The following ZNF675 variants were observed in gnomAD, a reference collection of about 807,000 sequenced individuals.
ZNF675 encodes TRAF6 inhibitory zinc finger.
A neutral mutation model predicts 56.1 loss-of-function variants in ZNF675; 36 were observed. The observed-to-expected ratio is 0.64, with a 90% CI of 0.49 to 0.85. The LOEUF is 0.85. Among genes scored for constraint, ZNF675 ranks in the 40% least tolerant of loss-of-function variants. ZNF675 has a pLI of 0.00. For missense variants in ZNF675, 663 were observed against 654.2 expected, an observed-to-expected ratio of 1.01 and a Z score of -0.15; for synonymous variants, 200 against 218.9, an observed-to-expected ratio of 0.91 and a Z score of 0.76.
intron 3 of ZNF675, among the ~76,000 whole-genome samples, chr19:23,658,992 G>GATAT (rs1968040879): frequency 7.8e-6 from 1 of 128,030 alleles, no homozygotes; most frequent in African/African-American, 3.0e-5. Context: ...GATAGAGATC[G>GATAT]AGATCTATAT....
intron 1 of ZNF675, among the ~76,000 whole-genome samples, chr19:23,680,435 A>C (rs1453296629): frequency 6.6e-6 from 1 of 151,692 alleles, no homozygotes; most frequent in East Asian, 1.9e-4. Flanking sequence ...CTAATGCAGA[A>C]ACAGAAAATC....
intron 2 of ZNF675, among the ~76,000 whole-genome samples, chr19:23,662,693 T>C (rs961348122): frequency 1.3e-5 from 2 of 152,176 alleles, no homozygotes; most frequent in Non-Finnish European, 2.9e-5. Context: ...AGAAACTGTC[T>C]GTTGGGACAG....
chr19:23,674,982 A>T (rs1053800027), intron 1 of ZNF675, among the ~76,000 whole-genome samples: 1 of 61,316 alleles, frequency 1.6e-5, no homozygotes, highest in Admixed American at 2.3e-4. Context: ...AAAAAAAAAA[A>T]AAAGAGAGAG....
intron 1 of ZNF675, among the ~76,000 whole-genome samples, chr19:23,664,554 C>G (rs1289004336): frequency 6.6e-6 from 1 of 152,202 alleles, no homozygotes; most frequent in Admixed American, 6.5e-5. Flanking sequence ...ACAGAACCAG[C>G]CCTTTGACCA....
intron 3 of ZNF675, 130 bp from the exon 4 acceptor site, chr19:23,654,836 C>A: frequency 1.7e-6 from 1 of 601,888 alleles, no homozygotes; most frequent in Non-Finnish European, 2.7e-6. Flanking sequence ...GTATGTGTTG[C>A]CCCAGGTGAG....
intron 1 of ZNF675, among the ~76,000 whole-genome samples, chr19:23,681,097 GATTT>G (rs1403075616): frequency 1.3e-5 from 2 of 151,816 alleles, no homozygotes; most frequent in African/African-American, 4.9e-5. Context: ...AGGCTACACT[GATTT>G]ATTTTTGTGC....
intron 1 of ZNF675, among the ~76,000 whole-genome samples, chr19:23,680,348 T>C (rs1968361133): frequency 6.6e-6 from 1 of 151,720 alleles, no homozygotes; most frequent in Non-Finnish European, 1.5e-5. Context: ...TGGAACACTG[T>C]GTGGCCATAA....
Position 23,653,799 on chromosome 19 carries a change from G to A in ZNF675, c.1134C>T (p.Asn378=), listed in dbSNP as rs1276760719. ...YKCEECGKAF[N]RSSNLTEHRK... ...TATGTTCCGTAAGATTTGAGGATCG[G>A]TTAAAAGCTTTGCCGCATTCCTCAC... Residue 378 remains asparagine (N), a synonymous_variant, in exon 4 of 4, where the codon AAC becomes AAT. Transcript: ENST00000359788. 1 of 1,613,704 alleles carries A rather than the reference G, an allele frequency of 6.2e-7. No individual in the cohort carries two copies. Among genetic ancestry groups the A allele is most frequent in the Admixed American group, 1.7e-5 (1 of 59,990 alleles).
At chr19:23,655,392 C>T (rs993479396) in intron 3 of ZNF675, 2 of 152,966 alleles carry the variant, frequency 1.3e-5, no homozygotes, top group Non-Finnish European at 2.9e-5. Context: ...GTGAGGGTCT[C>T]AGGAAGCTTA....
At chr19:23,683,761 G>A (rs2144801522) in intron 1 of ZNF675, among the ~76,000 whole-genome samples, 1 of 151,994 alleles carries the variant, frequency 6.6e-6, no homozygotes, top group African/African-American at 2.4e-5. Context: ...CTAAACCTTG[G>A]AATTCTGTTT....
chr19:23,674,009 C>G (rs1248523228), intron 1 of ZNF675, among the ~76,000 whole-genome samples: 1 of 151,276 alleles, frequency 6.6e-6, no homozygotes, highest in Non-Finnish European at 1.5e-5. Context: ...TCGAAACCAG[C>G]CTGACCAACA....
At chr19:23,684,600 C>T (rs1205936792) in intron 1 of ZNF675, among the ~76,000 whole-genome samples, 1 of 151,430 alleles carries the variant, frequency 6.6e-6, no homozygotes, top group East Asian at 2.0e-4. Flanking sequence ...GCCGAGATGG[C>T]ACCATTGAAC....
Position 23,664,899 on chromosome 19 carries a change from T to A in ZNF675, c.4-1741A>T, listed in dbSNP as rs190323652. 1.9e-3 allele frequency among the ~76,000 whole-genome samples: 290 copies of A among 152,114 alleles called. 1 individual carries two copies. The highest frequency in any genetic ancestry group is 6.8e-3 in the African/African-American group (282 of 41,504). On this transcript the variant is annotated intron_variant, in intron 1 of 3. Coordinates refer to ENST00000359788, the MANE Select transcript of ZNF675 (RefSeq NM_138330.3). The stretch of plus-strand genomic sequence containing the variant: ...CTGGCAGGCGAATGTTGCAGTAACC[T>A]CAGGTCGCACCACTGTACTCCAGCC...
At chr19:23,668,497 AG>A (rs869229185) in intron 1 of ZNF675, among the ~76,000 whole-genome samples, 1 of 8,130 alleles carries the variant, frequency 1.2e-4, no homozygotes. Context: ...CTGCAGGTGG[AG>A]CTGCCTGCCA....
chr19:23,675,178 T>TA (rs1235362886), intron 1 of ZNF675, among the ~76,000 whole-genome samples: 1 of 151,696 alleles, frequency 6.6e-6, no homozygotes, highest in African/African-American at 2.4e-5. Context: ...AAAGGTGCTA[T>TA]AAAAAATCCA....
chr19:23,675,155 A>T (rs1218557768), intron 1 of ZNF675, among the ~76,000 whole-genome samples: 3 of 151,750 alleles, frequency 2.0e-5, no homozygotes, highest in African/African-American at 7.3e-5. Flanking sequence ...ATGGGGAAAA[A>T]AGCAGAAGAG....
rs567133108 is a variant in ZNF675 at position 23,653,490 on chromosome 19, C to A, written c.1443G>T (p.Lys481Asn). 1.1e-5 allele frequency: 18 copies of A among 1,591,582 alleles called. No homozygotes were observed. In the South Asian group the frequency reaches 1.6e-4, roughly 14 times the overall value. The change falls in exon 4 of 4, where the codon AAG becomes AAT. Residue 481 changes from lysine (K) to asparagine (N), a missense_variant. Lys to Asn is a moderately conservative substitution (Grantham distance 94). This residue lies in a region of ZNF675 where 617 missense variants were observed against 590.5 expected (regional missense o/e 1.04). Coordinates refer to ENST00000359788, the MANE Select transcript of ZNF675 (RefSeq NM_138330.3). ...KKIHSGEIPY[K>N]CEECGKAFKH... ...TAAAAGCTTTGCCACATTCTTCACA[C>A]TTGTAGGGTATCTCTCCAGAATGAA...
intron 1 of ZNF675, among the ~76,000 whole-genome samples, chr19:23,667,012 C>T (rs1289309395): frequency 2.6e-5 from 4 of 152,134 alleles, no homozygotes; most frequent in East Asian, 1.9e-4. Context: ...AATGAAGCCG[C>T]GGACCCTCGT....
At chr19:23,677,970 A>T (rs1968321736) in intron 1 of ZNF675, among the ~76,000 whole-genome samples, 1 of 151,372 alleles carries the variant, frequency 6.6e-6, no homozygotes, top group African/African-American at 2.4e-5. Flanking sequence ...AAAATACAAA[A>T]TTAGCACGGG....
Sources: gnomAD v4.1 joint callset for allele counts (sites outside exome capture counted in the v4.1 genomes callset) on GRCh38, gnomAD v4.1.1 for gene constraint, gnomAD v4.1.1 regional missense constraint, MANE v1.5 for transcripts, NCBI Gene and HGNC (gene_info 2026-07-23, HGNC 2026-07-21) for gene names.